The following TP53I13 variants were observed in gnomAD, a reference collection of about 807,000 sequenced individuals.
TP53I13 encodes tumor protein p53 inducible protein 13.
TP53I13 carries 27 observed loss-of-function variants against 39.1 expected under a neutral mutation model. The ratio of observed to expected loss-of-function variants is 0.69; its 90% CI spans 0.51 to 0.95. The LOEUF (loss-of-function observed/expected upper bound fraction) is 0.95, where lower values mean the gene tolerates loss of function less well. TP53I13 is among the 40% of genes least tolerant of loss of function. The pLI is 0.00. For missense variants in TP53I13, 544 were observed against 520.4 expected (o/e 1.05, Z -0.44); for synonymous variants, 230 against 224.6 (o/e 1.02, Z -0.22).
chr17:29,573,531 C>CCCA (rs2033064118), downstream of TP53I13: 1 of 152,586 alleles, frequency 6.6e-6, no homozygotes, highest in Admixed American at 6.5e-5. Flanking sequence ...TGACAGCCCA[C>CCCA]CCACCACCAC....
At chr17:29,581,354 G>T in the TP53I13 span, 1 of 1,612,632 alleles carries the variant, frequency 6.2e-7, no homozygotes, top group South Asian at 1.1e-5. This position sits in a 1 kb window ranked among gnomAD's most constrained non-coding sequence, Gnocchi z 4.8. Context: ...GCCATCTGTG[G>T]GATGATGTAA....
At chr17:29,576,417 G>A (rs749589787), downstream of TP53I13, 7 of 1,612,912 alleles carry the variant, frequency 4.3e-6, no homozygotes, top group African/African-American at 1.3e-5. Flanking sequence ...GGAGGCTGCC[G>A]GAGCTGCAGG....
At position 29,573,034 on chromosome 17, in the gene TP53I13, C is replaced by A; in HGVS notation, c.*110C>A. ...GCTCCCTGGTGGCGATGGCGCGGCACTGGCCGAGCACTGCGGGGGCTTTCC... is the reference window on the plus strand; with the variant it reads ...GCTCCCTGGTGGCGATGGCGCGGCAATGGCCGAGCACTGCGGGGGCTTTCC... On this transcript the variant is annotated 3_prime_UTR_variant, in exon 7 of 7. Coordinates refer to ENST00000301057, the MANE Select transcript of TP53I13 (RefSeq NM_138349.4). The A allele has an allele frequency of 1.1e-6, 1 of 901,232 alleles. No homozygotes were observed. The highest frequency in any genetic ancestry group is 1.5e-6 in the Non-Finnish European group (1 of 659,754). The allele number at this position is 901,232 out of a possible 1,614,324, so 55.8% of individuals were successfully genotyped here.
chr17:29,566,319 C>T (rs2032709614), upstream of TP53I13: 1 of 1,611,702 alleles, frequency 6.2e-7, no homozygotes, highest in Non-Finnish European at 8.5e-7. Flanking sequence ...TGACCGCCTC[C>T]TTGAGGTCGG....
At chr17:29,577,203 G>A, downstream of TP53I13, 1 of 1,613,980 alleles carries the variant, frequency 6.2e-7, no homozygotes, top group Non-Finnish European at 8.5e-7. Context: ...CGATGATCAA[G>A]GTGGCAAACT....
chr17:29,576,139 T>A, downstream of TP53I13: 1 of 1,613,670 alleles, frequency 6.2e-7, no homozygotes, highest in Non-Finnish European at 8.5e-7. Flanking sequence ...CTCCTGGGGA[T>A]GTTAGCACAG....
upstream of TP53I13, chr17:29,566,961 C>T (rs893043870): frequency 2.9e-6 from 4 of 1,377,834 alleles, no homozygotes; most frequent in Non-Finnish European, 3.7e-6. Flanking sequence ...CGCCCCACGG[C>T]GGCATGGCGA....
Position 29,569,077 on chromosome 17 carries a change from GCCTCC to G in TP53I13, c.133_137del (p.Pro45AlafsTer17). 1 of 1,596,508 alleles carries G rather than the reference GCCTCC, an allele frequency of 6.3e-7. No individual in the cohort carries two copies. Reference sequence around the variant, plus strand: ...ATTGTCCCGAGAGCCTGTGGCCTCTGCCTCCGCAGGTAGGAGCCCTGGAGGGCCCA... The same window carrying G: ...ATTGTCCCGAGAGCCTGTGGCCTCTGGCAGGTAGGAGCCCTGGAGGGCCCA... On this transcript the variant is annotated frameshift_variant, in exon 2 of 7. Coordinates refer to ENST00000301057, the MANE Select transcript of TP53I13 (RefSeq NM_138349.4). LOFTEE classifies it high-confidence loss of function.
chr17:29,578,080 A>G (rs540615661), downstream of TP53I13, among the ~76,000 whole-genome samples: 169 of 152,332 alleles, frequency 1.1e-3, no homozygotes, highest in African/African-American at 3.9e-3. Context: ...GAGGAGCCCC[A>G]GTCTGAGGCT....
upstream of TP53I13, chr17:29,566,762 C>A: frequency 1.3e-6 from 2 of 1,534,984 alleles, no homozygotes; most frequent in Non-Finnish European, 1.7e-6. Flanking sequence ...AGGCTGCACC[C>A]TCCCGGCAGT....
chr17:29,576,430 C>T (rs2033204171), downstream of TP53I13: 1 of 1,612,698 alleles, frequency 6.2e-7, no homozygotes, highest in East Asian at 2.2e-5. Flanking sequence ...GCTGCAGGTT[C>T]TCCGCCTGCA....
downstream of TP53I13, chr17:29,575,743 T>C (rs1328576047): frequency 1.9e-6 from 3 of 1,610,388 alleles, no homozygotes; most frequent in Non-Finnish European, 1.7e-6. This position sits in a 1 kb window ranked among gnomAD's most constrained non-coding sequence, Gnocchi z 5.5. Context: ...GCCGTGTTCC[T>C]GGACCCACAC....
intron 3 of TP53I13, 44 bp downstream of exon 3, chr17:29,569,403 GAGAC>G: frequency 6.3e-7 from 1 of 1,595,648 alleles, no homozygotes; most frequent in Non-Finnish European, 8.6e-7. Context: ...TCCACGCCTG[GAGAC>G]AGGCGCTCCT....
In TP53I13 at chr17:29,572,041, G is replaced by A. The variant is rs751335473; in HGVS notation, c.497G>A (p.Arg166Gln). The change falls in exon 5 of 7, where the codon CGA becomes CAA. Residue 166 changes from arginine to glutamine, a missense_variant. By Grantham distance (43) the Arg-to-Gln change is conservative. Coordinates refer to ENST00000301057, the MANE Select transcript of TP53I13 (RefSeq NM_138349.4). ...EPTPGRGRLC[R>Q]RGCVQALALA... ...ACTCCCGGTAGAGGGAGGCTGTGCCGAAGAGGGTGTGTGCAGGTGAGAGAC... is the reference window on the plus strand; with the variant it reads ...ACTCCCGGTAGAGGGAGGCTGTGCCAAAGAGGGTGTGTGCAGGTGAGAGAC... The A allele has an allele frequency of 1.1e-5, 18 of 1,613,002 alleles. No homozygotes were observed. The highest frequency in any genetic ancestry group is 4.4e-5 in the South Asian group (4 of 91,086).
chr17:29,569,683 G>A, intron 3 of TP53I13: 1 of 297,452 alleles, frequency 3.4e-6, no homozygotes, highest in South Asian at 5.3e-5. Flanking sequence ...GCTCCCTGAG[G>A]AGACAGCGGG....
At chr17:29,566,398 A>C (rs1273602922), upstream of TP53I13, 1 of 1,611,596 alleles carries the variant, frequency 6.2e-7, no homozygotes. Flanking sequence ...GCGATGGAAG[A>C]TGACCGGGTA....
intron 3 of TP53I13, chr17:29,570,623 G>A (rs937765936): frequency 6.6e-6 from 1 of 152,084 alleles, no homozygotes; most frequent in Non-Finnish European, 1.5e-5. Flanking sequence ...TTCACAAACT[G>A]TCAATGGCTC....
chr17:29,576,846 G>C, downstream of TP53I13: 2 of 1,577,722 alleles, frequency 1.3e-6, no homozygotes, highest in Non-Finnish European at 8.6e-7. Context: ...GAGTGGGAAG[G>C]AGGGTGGGAC....
At chr17:29,573,454 TCTC>T (rs1393227274), downstream of TP53I13, 1 of 153,106 alleles carries the variant, frequency 6.5e-6, no homozygotes, top group African/African-American at 2.4e-5. Flanking sequence ...CAGCCCCCAT[TCTC>T]TAAGCATCAG....
Sources: allele counts gnomAD v4.1 joint callset (sites outside exome capture counted in the v4.1 genomes callset), GRCh38; gene constraint gnomAD v4.1.1; non-coding constraint Gnocchi (gnomAD v3.1); transcripts MANE v1.5; gene names NCBI Gene and HGNC (gene_info 2026-07-23, HGNC 2026-07-21).